Variants in AFG2A observed in about 807,000 individuals in gnomAD.
AFG2A encodes the protein AAA ATPase AFG2A, also known as ATPase family gene 2 protein homolog A.
the AFG2A span, among the ~76,000 whole-genome samples, chr4:123,196,212 T>C: frequency 7.0e-6 from 1 of 142,882 alleles, no homozygotes; most frequent in Non-Finnish European, 1.5e-5. Flanking sequence ...AGTTTCACCA[T>C]GTGAGCCAGG....
chr4:123,083,269 G>A, the AFG2A span, among the ~76,000 whole-genome samples: 1 of 152,098 alleles, frequency 6.6e-6, no homozygotes, highest in African/African-American at 2.4e-5. Context: ...TAGGTTTTTT[G>A]TAGCTGTTCC....
At chr4:123,170,361 T>C in the AFG2A span, among the ~76,000 whole-genome samples, 15 of 152,172 alleles carry the variant, frequency 9.9e-5, no homozygotes, top group Admixed American at 9.8e-4. Flanking sequence ...AATTAATCAG[T>C]GTCTTTATTT....
chr4:123,294,075 T>C, the AFG2A span, among the ~76,000 whole-genome samples: 1 of 152,190 alleles, frequency 6.6e-6, no homozygotes, highest in Non-Finnish European at 1.5e-5. Flanking sequence ...AGTTTTCTGA[T>C]GCCACAGGCT....
At chr4:123,291,550 G>A in the AFG2A span, among the ~76,000 whole-genome samples, 1 of 152,154 alleles carries the variant, frequency 6.6e-6, no homozygotes, top group Non-Finnish European at 1.5e-5. Context: ...GCTTGTCTGG[G>A]AAAGTTTCTC....
chr4:123,302,997 A>G, the AFG2A span, among the ~76,000 whole-genome samples: 1 of 152,148 alleles, frequency 6.6e-6, no homozygotes, highest in African/African-American at 2.4e-5. Context: ...TTCTTGAATA[A>G]ATGAAAGAAT....
chr4:122,948,381 A>G, the AFG2A span, among the ~76,000 whole-genome samples: 2 of 122,120 alleles, frequency 1.6e-5, no homozygotes, highest in South Asian at 2.7e-4. Flanking sequence ...AGACTTCTCC[A>G]GAGTATACAC....
chr4:123,082,516 C>G, the AFG2A span, among the ~76,000 whole-genome samples: 2 of 72,332 alleles, frequency 2.8e-5, no homozygotes, highest in Non-Finnish European at 9.2e-5. Flanking sequence ...CTCTCTCTCT[C>G]TTTTTTCTTT....
the AFG2A span, among the ~76,000 whole-genome samples, chr4:123,162,674 T>C: frequency 2.4e-3 from 366 of 152,300 alleles, 3 homozygotes; most frequent in Admixed American, 3.7e-3. Context: ...TAAATCTCTT[T>C]ATTAAAATGA....
chr4:123,083,714 A>T, the AFG2A span, among the ~76,000 whole-genome samples: 1 of 151,688 alleles, frequency 6.6e-6, no homozygotes, highest in Non-Finnish European at 1.5e-5. Context: ...GTTAGATTTG[A>T]TTTGGTAAGA....
At chr4:123,062,824 AC>A in the AFG2A span, among the ~76,000 whole-genome samples, 1 of 152,254 alleles carries the variant, frequency 6.6e-6, no homozygotes, top group Non-Finnish European at 1.5e-5. Flanking sequence ...GTGGCACATG[AC>A]TGTAGAAATA....
chr4:123,154,616 A>G, the AFG2A span, among the ~76,000 whole-genome samples: 1 of 152,236 alleles, frequency 6.6e-6, no homozygotes, highest in Non-Finnish European at 1.5e-5. Flanking sequence ...TGAATATTCA[A>G]CCAATCCTAG....
the AFG2A span, among the ~76,000 whole-genome samples, chr4:123,043,476 C>A: frequency 2.0e-5 from 3 of 151,726 alleles, no homozygotes; most frequent in African/African-American, 7.3e-5. Context: ...TCAAAAAGTT[C>A]ATGGAAAAAT....
At chr4:123,255,460 A>T in the AFG2A span, among the ~76,000 whole-genome samples, 2 of 150,126 alleles carry the variant, frequency 1.3e-5, no homozygotes, top group Non-Finnish European at 3.0e-5. Context: ...GCGCCACTGC[A>T]CTCCAGCCTG....
chr4:123,041,041 T>A, the AFG2A span, among the ~76,000 whole-genome samples: 1 of 151,946 alleles, frequency 6.6e-6, no homozygotes, highest in African/African-American at 2.4e-5. Flanking sequence ...AGTGATGTAA[T>A]GATATTATCT....
chr4:123,074,111 T>TTTTTTTTTTG, the AFG2A span, among the ~76,000 whole-genome samples: 1 of 148,904 alleles, frequency 6.7e-6, no homozygotes. Flanking sequence ...TTTTTTTTTT[T>TTTTTTTTTTG]GAGGCAGAGT....
At chr4:123,229,484 C>A in the AFG2A span, among the ~76,000 whole-genome samples, 1 of 151,950 alleles carries the variant, frequency 6.6e-6, no homozygotes, top group Non-Finnish European at 1.5e-5. Flanking sequence ...AAAATCATTT[C>A]ATCATTCCAG....
At chr4:123,180,083 G>T in the AFG2A span, among the ~76,000 whole-genome samples, 1 of 152,000 alleles carries the variant, frequency 6.6e-6, no homozygotes, top group Non-Finnish European at 1.5e-5. Context: ...AGCTGGGCAT[G>T]GTGGCAAGTG....
chr4:123,159,830 G>A, the AFG2A span, among the ~76,000 whole-genome samples: 2 of 152,174 alleles, frequency 1.3e-5, no homozygotes, highest in East Asian at 1.9e-4. Flanking sequence ...TGGGAGAGCA[G>A]CATTCAAAAT....
At chr4:123,003,461 G>C in the AFG2A span, among the ~76,000 whole-genome samples, 13 of 152,156 alleles carry the variant, frequency 8.5e-5, no homozygotes, top group Admixed American at 6.5e-4. Context: ...CTTTGATGAT[G>C]GTGATGTACA....
Sources: allele counts gnomAD v4.1 joint callset (sites outside exome capture counted in the v4.1 genomes callset), GRCh38; gene constraint gnomAD v4.1.1; transcripts MANE v1.5; gene names NCBI Gene and HGNC (gene_info 2026-07-23, HGNC 2026-07-21).